Variants in PELI1 observed in about 807,000 individuals in gnomAD.
PELI1 encodes the protein E3 ubiquitin-protein ligase pellino homolog 1.
In PELI1, 15 loss-of-function variants were observed where a neutral mutation model predicts 41.3. The ratio of observed to expected loss-of-function variants is 0.36; its 90% confidence interval spans 0.24 to 0.56. The LOEUF is 0.56. PELI1 is among the 20% of genes least tolerant of loss of function. PELI1 has a pLI of 0.82. For synonymous variants in PELI1, 178 were observed against 180.1 expected (o/e 0.99, Z 0.09); for missense variants, 403 against 525.5 (o/e 0.77, Z 2.28).
chr2:64,110,554 C>T (rs774351906), intron 1 of PELI1, among the ~76,000 whole-genome samples: 5 of 152,112 alleles, frequency 3.3e-5, no homozygotes, highest in South Asian at 2.1e-4. Flanking sequence ...TGTAAAAACA[C>T]GGTAGCAAAA....
chr2:64,108,764 T>C (rs1237568004), intron 1 of PELI1, among the ~76,000 whole-genome samples: 1 of 152,210 alleles, frequency 6.6e-6, no homozygotes, highest in African/African-American at 2.4e-5. Context: ...GGTTTTCTTT[T>C]TGCCTAATAT....
chr2:64,107,756 C>T (rs1268186435), intron 2 of PELI1, among the ~76,000 whole-genome samples: 1 of 152,034 alleles, frequency 6.6e-6, no homozygotes, highest in African/African-American at 2.4e-5. Context: ...CAGCTCACTG[C>T]AACCTCTGCC....
intron 1 of PELI1, among the ~76,000 whole-genome samples, chr2:64,133,813 A>G (rs1359777414): frequency 6.9e-6 from 1 of 145,568 alleles, no homozygotes; most frequent in African/African-American, 2.4e-5. Flanking sequence ...ACTGGGAATA[A>G]ACACCTCAGA....
At chr2:64,111,355 C>CTAA (rs1456445281) in intron 1 of PELI1, among the ~76,000 whole-genome samples, 1 of 152,180 alleles carries the variant, frequency 6.6e-6, no homozygotes, top group Non-Finnish European at 1.5e-5. Context: ...CTGACCCCTA[C>CTAA]TAATCCCTTG....
intron 3 of PELI1, among the ~76,000 whole-genome samples, chr2:64,102,047 G>GTGATCCACCC (rs1284307971): frequency 1.3e-5 from 2 of 151,842 alleles, no homozygotes; most frequent in African/African-American, 4.8e-5. Flanking sequence ...GGCTGGTCTC[G>GTGATCCACCC]AACTCCTGAC....
chr2:64,133,513 T>C lies in PELI1; in HGVS notation c.-70+10568A>G, dbSNP rs564146235. On this transcript the variant is annotated intron_variant, in intron 1 of 6. Coordinates refer to ENST00000358912, the MANE Select transcript of PELI1 (RefSeq NM_020651.4). ...ACCTGAAACTGGTTTGGGATACAGA[T>C]ACCGATACAGATACAGCTACTAGCT... Among the ~76,000 whole-genome samples, 12 of 152,196 alleles carry C rather than the reference T, an allele frequency of 7.9e-5. No individual in the cohort carries two copies. In the South Asian group the frequency reaches 2.3e-3, roughly 29 times the overall value.
chr2:64,126,826 G>C (rs1191793547), intron 1 of PELI1, among the ~76,000 whole-genome samples: 1 of 152,024 alleles, frequency 6.6e-6, no homozygotes, highest in Non-Finnish European at 1.5e-5. Flanking sequence ...ACCAGTTTAG[G>C]TGGAAGAAAC....
At chr2:64,137,550 C>T (rs1174857025) in intron 1 of PELI1, among the ~76,000 whole-genome samples, 1 of 152,094 alleles carries the variant, frequency 6.6e-6, no homozygotes, top group Non-Finnish European at 1.5e-5. Flanking sequence ...GCCTTCCATA[C>T]TAGTCACTCT....
In PELI1 at chr2:64,117,045, T is replaced by A. The variant is rs188623171; in HGVS notation, c.-69-8666A>T. ...GTACACTTAATTGATAAATGCTGAG[T>A]GGGTTCTGACTGCTCTACTGTTTCT... On this transcript the variant is annotated intron_variant, in intron 1 of 6. Coordinates refer to ENST00000358912, the MANE Select transcript of PELI1 (RefSeq NM_020651.4). Among the ~76,000 whole-genome samples, 14 of 152,232 alleles carry A rather than the reference T, an allele frequency of 9.2e-5. No individual in the cohort carries two copies. In the East Asian group the frequency reaches 2.3e-3, roughly 25 times the overall value.
intron 1 of PELI1, among the ~76,000 whole-genome samples, chr2:64,111,933 G>A (rs1178714385): frequency 6.6e-6 from 1 of 151,994 alleles, no homozygotes; most frequent in Non-Finnish European, 1.5e-5. Flanking sequence ...ACAATGCTTT[G>A]ACACATTTCT....
chr2:64,141,664 C>T (rs150013897), intron 1 of PELI1, among the ~76,000 whole-genome samples: 10 of 152,278 alleles, frequency 6.6e-5, no homozygotes, highest in South Asian at 2.1e-4. Flanking sequence ...ACAAAAGTGA[C>T]ATTCTGACAA....
chr2:64,095,157 A>G lies in PELI1; in HGVS notation c.802T>C (p.Leu268=). 2 of 1,614,134 alleles carry G rather than the reference A, an allele frequency of 1.2e-6. No individual in the cohort carries two copies. The highest frequency in any genetic ancestry group is 2.2e-5 in the South Asian group (2 of 91,080). The part of the protein sequence containing the change: ...GLSHTPTVKH[L]EALRQEINAA... ...TTGATTTCCTGTCTTAAAGCTTCTA[A>G]ATGCTTCACGGTAGGAGTGTGGGAA... Residue 268 remains leucine (L), a synonymous_variant, in exon 7 of 7, where the codon TTA becomes CTA. Transcript: ENST00000358912.
At chr2:64,143,854 G>A (rs1319567634) in intron 1 of PELI1, among the ~76,000 whole-genome samples, 2 of 151,802 alleles carry the variant, frequency 1.3e-5, no homozygotes, top group African/African-American at 2.4e-5. Context: ...GGCGGAGGGG[G>A]AGGCCGCGTA....
rs1014014971 is a variant in PELI1 at position 64,092,916 on chromosome 2, C to G, written c.*1786G>C. On this transcript the variant is annotated 3_prime_UTR_variant, in exon 7 of 7. Transcript: ENST00000358912. ...AAATTAATTGCAAATAAAAATTAAG[C>G]TACAATATATAGCCTGAATAAAAAT... The G allele has an allele frequency of 1.3e-5, 2 of 152,118 alleles. No homozygotes were observed. Among genetic ancestry groups the G allele is most frequent in the African/African-American group, 4.8e-5 (2 of 41,410 alleles). The allele number at this position is 152,118 out of a possible 1,614,324, so 9.4% of individuals were successfully genotyped here.
rs201153149 is a variant in PELI1 at position 64,096,629 on chromosome 2, T to C, written c.304-19A>G. Reference sequence around the variant, plus strand: ...GGCCAATCTGAGGGAAAAAAAAAAATACCTATAAACCCATTCAAAGAGCAC... The same window carrying C: ...GGCCAATCTGAGGGAAAAAAAAAAACACCTATAAACCCATTCAAAGAGCAC... On this transcript the variant is annotated intron_variant, in intron 4 of 6. Coordinates refer to ENST00000358912, the MANE Select transcript of PELI1 (RefSeq NM_020651.4). The C allele has an allele frequency of 7.5e-5, 112 of 1,487,248 alleles. No individual in the cohort carries two copies. In the African/African-American group the frequency reaches 1.5e-3, roughly 20 times the overall value. 92.1% of individuals were successfully genotyped at this position (1,487,248 alleles called of 1,614,324 possible). A position where few individuals can be genotyped will look rare whatever the true frequency, so the allele number is the denominator to read the frequency against.
chr2:64,104,594 A>C, intron 3 of PELI1, 107 bp downstream of exon 3: 1 of 1,377,722 alleles, frequency 7.3e-7, no homozygotes. Context: ...ACAAAAGGCA[A>C]TTTCTGAAAT....
intron 1 of PELI1, among the ~76,000 whole-genome samples, chr2:64,137,841 G>C (rs1681767419): frequency 6.6e-6 from 1 of 152,006 alleles, no homozygotes. Flanking sequence ...ATTTTCACGT[G>C]TGGCTCTTAA....
chr2:64,112,207 A>G (rs967732712), intron 1 of PELI1, among the ~76,000 whole-genome samples: 2 of 152,208 alleles, frequency 1.3e-5, no homozygotes, highest in African/African-American at 4.8e-5. Flanking sequence ...TTTGGCTGAC[A>G]TTAGTATATC....
intron 2 of PELI1, 54 bp downstream of exon 2, chr2:64,108,186 C>A: frequency 4.1e-6 from 4 of 982,422 alleles, no homozygotes; most frequent in Non-Finnish European, 6.2e-6. Context: ...GCCTAGATGC[C>A]AAAGTTAGCA....
Sources: gnomAD v4.1 joint callset for allele counts (sites outside exome capture counted in the v4.1 genomes callset) on GRCh38, gnomAD v4.1.1 for gene constraint, MANE v1.5 for transcripts, NCBI Gene and HGNC (gene_info 2026-07-23, HGNC 2026-07-21) for gene names.